MSH5: variants seen among roughly 807,000 people sequenced by gnomAD.
MSH5 encodes mutS protein homolog 5.
MSH5 carries 78 observed loss-of-function variants against 107.7 expected under a neutral mutation model. That is an observed-to-expected ratio of 0.72 (90% CI 0.60 to 0.87). MSH5 has a LOEUF of 0.87. Among genes scored for constraint, MSH5 ranks in the 40% least tolerant of loss-of-function variants. MSH5 has a pLI of 0.00. For synonymous variants in MSH5, 326 were observed against 399.5 expected, an observed-to-expected ratio of 0.82 and a Z score of 2.19; for missense variants, 889 against 1,046.6, an observed-to-expected ratio of 0.85 and a Z score of 2.08.
chr6:31,759,930 C>T lies in MSH5; in HGVS notation c.1640C>T (p.Pro547Leu), dbSNP rs368545412. The part of the protein sequence containing the change: ...SAARDYGYSR[P>L]RYSPQVLGVR... ...GCCCGGGACTATGGCTACTCAAGGC[C>T]GCGTTACTCCCCACAAGTCCTTGGG... The change falls in exon 18 of 25, where the codon CCG (proline) becomes CTG (leucine). Residue 547 changes from proline to leucine, a missense_variant. Physicochemically the swap from Pro to Leu is moderately conservative, Grantham distance 98. Coordinates refer to ENST00000375750, the MANE Select transcript of MSH5 (RefSeq NM_172166.4). The surrounding 1 kb of genome is among the most constrained non-coding windows in gnomAD (Gnocchi z 4.7). 5.0e-6 allele frequency: 8 copies of T among 1,614,078 alleles called. No individual in the cohort carries two copies. Among genetic ancestry groups the T allele is most frequent in the East Asian group, 2.2e-5 (1 of 44,898 alleles).
chr6:31,762,016 A>G (rs1811060069), intron 23 of MSH5, 61 bp downstream of exon 23: 2 of 1,612,790 alleles, frequency 1.2e-6, no homozygotes, highest in Admixed American at 1.7e-5. Flanking sequence ...TCCTAGTCCT[A>G]CTGGGCCTGG....
At chr6:31,746,886 G>A (rs1809512754) in intron 9 of MSH5, among the ~76,000 whole-genome samples, 1 of 152,064 alleles carries the variant, frequency 6.6e-6, no homozygotes, top group Non-Finnish European at 1.5e-5. Context: ...GCAGTGGCGC[G>A]ATCTCCGCTC....
chr6:31,759,580 G>T lies in MSH5; in HGVS notation c.1495+68G>T. On this transcript the variant is annotated intron_variant, in intron 17 of 24. Coordinates refer to ENST00000375750, the MANE Select transcript of MSH5 (RefSeq NM_172166.4). The surrounding 1 kb of genome is among the most constrained non-coding windows in gnomAD (Gnocchi z 4.7). ...AAAAAGCAGCAGCCAGGGGAAGGAG[G>T]GGAGTGGGCAACTTGGGGATGCTTC... 1.3e-6 allele frequency: 2 copies of T among 1,549,886 alleles called. No homozygotes were observed. The highest frequency in any genetic ancestry group is 1.8e-6 in the Non-Finnish European group (2 of 1,129,502).
In MSH5 at chr6:31,759,672, C is replaced by G; in HGVS notation, c.1496-114C>G. On this transcript the variant is annotated intron_variant, in intron 17 of 24. Coordinates refer to ENST00000375750, the MANE Select transcript of MSH5 (RefSeq NM_172166.4). The surrounding 1 kb of genome is among the most constrained non-coding windows in gnomAD (Gnocchi z 4.7). ...TGACTCTATCTTTTCCTCTGAATGTCTTGAGGTCTCAGATTGTATCTGCAA... is the reference window on the plus strand; with the variant it reads ...TGACTCTATCTTTTCCTCTGAATGTGTTGAGGTCTCAGATTGTATCTGCAA... 1 of 1,367,028 alleles carries G rather than the reference C, an allele frequency of 7.3e-7. No individual in the cohort carries two copies. Among genetic ancestry groups the G allele is most frequent in the Non-Finnish European group, 1.0e-6 (1 of 983,134 alleles). 84.7% of individuals were successfully genotyped at this position (1,367,028 alleles called of 1,614,324 possible).
chr6:31,741,251 C>T lies in MSH5; in HGVS notation c.236C>T (p.Ala79Val). The change falls in exon 3 of 25, where the codon GCC becomes GTC. Residue 79 changes from alanine (A) to valine (V), a missense_variant. This residue lies in a region of MSH5 where 518 missense variants were observed against 565.0 expected (regional missense o/e 0.92). Coordinates refer to ENST00000375750, the MANE Select transcript of MSH5 (RefSeq NM_172166.4). The part of the protein sequence containing the change: ...SDSTIHFMPD[A>V]PDHESLKLLQ... Reference sequence around the variant, plus strand: ...TCCACTATCCACTTCATGCCAGATGCCCCAGACCACGAGAGCCTCAAGCTT... The same window carrying T: ...TCCACTATCCACTTCATGCCAGATGTCCCAGACCACGAGAGCCTCAAGCTT... 6.2e-7 allele frequency: 1 copy of T among 1,612,708 alleles called. No individual in the cohort carries two copies. The highest frequency in any genetic ancestry group is 8.5e-7 in the Non-Finnish European group (1 of 1,179,940).
intron 3 of MSH5, 115 bp from the exon 4 acceptor site, chr6:31,742,761 TC>T: frequency 1.1e-6 from 1 of 949,462 alleles, no homozygotes; most frequent in Non-Finnish European, 1.7e-6. Flanking sequence ...CACTCCCTAC[TC>T]CTAGGGAGGA....
At chr6:31,755,370 A>G (rs1277933523) in intron 12 of MSH5, among the ~76,000 whole-genome samples, 1 of 143,266 alleles carries the variant, frequency 7.0e-6, no homozygotes. Context: ...TTATTTATTT[A>G]TTTATTTTTG....
Position 31,754,244 on chromosome 6 carries a change from A to G in MSH5, c.1014+615A>G, listed in dbSNP as rs560461292. ...GGCTCACTGCAACCTCTGCCTCCCAAGTTCAAGTGATTCTCCTACCTCAGC... is the reference window on the plus strand; with the variant it reads ...GGCTCACTGCAACCTCTGCCTCCCAGGTTCAAGTGATTCTCCTACCTCAGC... On this transcript the variant is annotated intron_variant, in intron 12 of 24. Transcript: ENST00000375750. Among the ~76,000 whole-genome samples the G allele has an allele frequency of 4.6e-5, 7 of 150,760 alleles. No homozygotes were observed. The East Asian group carries it at 1.4e-3, about 30-fold the overall frequency.
intron 12 of MSH5, chr6:31,753,874 CG>C (rs1810201469): frequency 2.3e-6 from 1 of 442,292 alleles, no homozygotes; most frequent in Non-Finnish European, 4.2e-6. Flanking sequence ...TACAAGCGCC[CG>C]CCACCATGCC....
Position 31,759,921 on chromosome 6 carries a change from A to C in MSH5, c.1631A>C (p.Tyr544Ser). The change falls in exon 18 of 25, where the codon TAC becomes TCC. Residue 544 changes from tyrosine to serine, a missense_variant. Physicochemically the swap from Tyr to Ser is moderately radical, Grantham distance 144. Around this residue, in one of 3 missense-constraint regions of MSH5, gnomAD observed 362 missense variants for 456.2 expected, o/e 0.79. Coordinates refer to ENST00000375750, the MANE Select transcript of MSH5 (RefSeq NM_172166.4). This position sits in a 1 kb window ranked among gnomAD's most constrained non-coding sequence, Gnocchi z 4.7. ...ALASAARDYG[Y>S]SRPRYSPQVL... Reference sequence around the variant, plus strand: ...GCCAGTGCTGCCCGGGACTATGGCTACTCAAGGCCGCGTTACTCCCCACAA... The same window carrying C: ...GCCAGTGCTGCCCGGGACTATGGCTCCTCAAGGCCGCGTTACTCCCCACAA... The C allele has an allele frequency of 1.9e-6, 3 of 1,614,120 alleles. No individual in the cohort carries two copies. The highest frequency in any genetic ancestry group is 2.5e-6 in the Non-Finnish European group (3 of 1,180,024).
chr6:31,756,475 TATTA>T (rs1401466069), intron 12 of MSH5: 1 of 152,166 alleles, frequency 6.6e-6, no homozygotes, highest in Non-Finnish European at 1.5e-5. Context: ...CCCAGCCATC[TATTA>T]ATTCTTTAGC....
chr6:31,757,913 AC>A (rs1485908479), intron 12 of MSH5: 2 of 545,952 alleles, frequency 3.7e-6, no homozygotes, highest in Non-Finnish European at 6.5e-6. Flanking sequence ...CAGGTGATCT[AC>A]CCACCTCAGC....
At chr6:31,753,889 C>A (rs1810203143) in intron 12 of MSH5, 1 of 410,704 alleles carries the variant, frequency 2.4e-6, no homozygotes, top group South Asian at 2.8e-5. Flanking sequence ...CCATGCCTGG[C>A]AAATTTTTGT....
intron 10 of MSH5, among the ~76,000 whole-genome samples, chr6:31,752,051 A>G (rs1810002200): frequency 6.6e-6 from 1 of 152,100 alleles, no homozygotes; most frequent in Non-Finnish European, 1.5e-5. Flanking sequence ...GTGACCCGAG[A>G]TCCCGCCACT....
intron 3 of MSH5, among the ~76,000 whole-genome samples, chr6:31,742,564 A>G (rs969212833): frequency 7.2e-5 from 11 of 152,124 alleles, no homozygotes; most frequent in African/African-American, 2.2e-4. Flanking sequence ...GGCCACAAAT[A>G]TATATGACGT....
chr6:31,752,771 CCCTCCCCAAT>C (rs372451837), intron 10 of MSH5, among the ~76,000 whole-genome samples: 56 of 150,552 alleles, frequency 3.7e-4, no homozygotes, highest in African/African-American at 7.6e-4. Context: ...CCTTAAATGT[CCCTCCCCAAT>C]CCTTTTTTCT....
intron 5 of MSH5, 76 bp from the exon 6 acceptor site, chr6:31,743,828 C>T (rs1809140319): frequency 1.9e-6 from 3 of 1,571,522 alleles, no homozygotes; most frequent in Admixed American, 3.7e-5. Context: ...TCTCTTGCTT[C>T]TATTGTCTCA....
Position 31,761,138 on chromosome 6 carries a change from G to A in MSH5, c.1963-50G>A, listed in dbSNP as rs747716835. 29 of 1,571,756 alleles carry A rather than the reference G, an allele frequency of 1.8e-5. No individual in the cohort carries two copies. The highest frequency in any genetic ancestry group is 1.9e-5 in the Non-Finnish European group (22 of 1,149,070). On this transcript the variant is annotated intron_variant, in intron 20 of 24. Transcript: ENST00000375750. This position sits in a 1 kb window ranked among gnomAD's most constrained non-coding sequence, Gnocchi z 5.3. ...TTCACAGGCCAACTGTGGTCAGTGC[G>A]TTACGGGCTTCCAATACTAACTTTC...
rs575702248 is a variant in MSH5, at chr6:31,758,121, C to G, written c.1015-44C>G. 1 of 1,610,692 alleles carries G rather than the reference C, an allele frequency of 6.2e-7. No homozygotes were observed. Among genetic ancestry groups the G allele is most frequent in the South Asian group, 1.1e-5 (1 of 90,996 alleles). ...GTCTGTCCCTATCACCACCTCAACC[C>G]GAGCTGGATGTGGCCTGTCCTCCTT... On this transcript the variant is annotated intron_variant, in intron 12 of 24. Transcript: ENST00000375750. The surrounding 1 kb of genome is among the most constrained non-coding windows in gnomAD (Gnocchi z 5.1).
Sources: allele counts gnomAD v4.1 joint callset (sites outside exome capture counted in the v4.1 genomes callset), GRCh38; gene constraint gnomAD v4.1.1; regional missense constraint gnomAD v4.1.1; non-coding constraint Gnocchi (gnomAD v3.1); transcripts MANE v1.5; gene names NCBI Gene and HGNC (gene_info 2026-07-23, HGNC 2026-07-21).